The following GPR176 variants were observed in gnomAD, a reference collection of about 807,000 sequenced individuals.
GPR176 encodes the protein G protein-coupled receptor 176.
GPR176 carries 26 observed loss-of-function variants against 35.4 expected under a neutral mutation model. The ratio of observed to expected loss-of-function variants is 0.74; its 90% CI spans 0.54 to 1.02. The LOEUF (loss-of-function observed/expected upper bound fraction) is 1.02, where lower values mean the gene tolerates loss of function less well. GPR176 is among the 50% of genes least tolerant of loss of function. The probability of loss-of-function intolerance (pLI) is 0.00; values close to 1 mark genes in which losing one functional copy is unlikely to be tolerated. For synonymous variants in GPR176, 278 were observed against 271.3 expected (o/e 1.02, Z -0.24); for missense variants, 597 against 665.3 (o/e 0.90, Z 1.13).
chr15:39,801,873 G>T lies in GPR176; in HGVS notation c.807C>A (p.Leu269=), dbSNP rs143810678. 1.2e-6 allele frequency: 2 copies of T among 1,613,984 alleles called. No homozygotes were observed. The highest frequency in any genetic ancestry group is 1.7e-6 in the Non-Finnish European group (2 of 1,179,986). ...ACAAGATGAAGACCATCACCATGGA[G>T]AGCAGGGTGGCGTGCAGCTCGGCCT... is the stretch of plus-strand genomic sequence containing the variant. ...QREAELHATL[L]SMVMVFILCS... The change falls in exon 3 of 3, where the codon CTC becomes CTA. Residue 269 remains leucine, a synonymous_variant. Transcript: ENST00000561100.
At chr15:39,842,137 C>A (rs1377559539) in intron 1 of GPR176, among the ~76,000 whole-genome samples, 1 of 152,080 alleles carries the variant, frequency 6.6e-6, no homozygotes, top group East Asian at 1.9e-4. Flanking sequence ...CTACCTGAGA[C>A]TGGGTAATTT....
intron 1 of GPR176, among the ~76,000 whole-genome samples, chr15:39,810,009 G>T (rs1469007264): frequency 6.6e-6 from 1 of 152,088 alleles, no homozygotes; most frequent in East Asian, 1.9e-4. Context: ...GCCCAGCGTG[G>T]TTGCGGGCGC....
intron 1 of GPR176, among the ~76,000 whole-genome samples, chr15:39,906,864 T>C (rs1305368428): frequency 6.6e-6 from 1 of 152,230 alleles, no homozygotes; most frequent in Admixed American, 6.5e-5. Context: ...TCACTATGTA[T>C]TGAGCACAAA....
chr15:39,813,056 G>T (rs1443221418), intron 1 of GPR176, among the ~76,000 whole-genome samples: 4 of 151,998 alleles, frequency 2.6e-5, no homozygotes, highest in African/African-American at 9.7e-5. Flanking sequence ...TTTTTAAACT[G>T]ATCTGACAAT....
At chr15:39,915,740 G>A (rs371460629) in intron 1 of GPR176, among the ~76,000 whole-genome samples, 48 of 152,150 alleles carry the variant, frequency 3.2e-4, no homozygotes, top group South Asian at 1.2e-3. Flanking sequence ...TTAGCTGGGC[G>A]TGGTGGCAGG....
chr15:39,821,653 G>A (rs542062441), intron 1 of GPR176, among the ~76,000 whole-genome samples: 16 of 152,226 alleles, frequency 1.1e-4, no homozygotes, highest in South Asian at 8.3e-4. Context: ...TGTAATAGGG[G>A]TAAGAAGGTA....
intron 1 of GPR176, among the ~76,000 whole-genome samples, chr15:39,818,674 C>T (rs772703815): frequency 2.8e-4 from 42 of 152,176 alleles, no homozygotes; most frequent in Non-Finnish European, 6.2e-4. Flanking sequence ...ACGATCAAAA[C>T]AAAACTATTT....
chr15:39,803,886 A>G (rs1899039452), intron 2 of GPR176, among the ~76,000 whole-genome samples: 1 of 152,224 alleles, frequency 6.6e-6, no homozygotes, highest in Non-Finnish European at 1.5e-5. Flanking sequence ...AATAGCGACC[A>G]TGGACAATCA....
intron 2 of GPR176, among the ~76,000 whole-genome samples, chr15:39,805,311 A>G (rs1899121394): frequency 6.6e-6 from 1 of 152,196 alleles, no homozygotes; most frequent in African/African-American, 2.4e-5. Flanking sequence ...GCAATGGAAG[A>G]GACATGCAAC....
At chr15:39,838,897 C>A (rs1394346552) in intron 1 of GPR176, among the ~76,000 whole-genome samples, 1 of 152,106 alleles carries the variant, frequency 6.6e-6, no homozygotes, top group African/African-American at 2.4e-5. Flanking sequence ...CAAATTGTCC[C>A]TGTTTGCAGA....
At chr15:39,891,672 C>G (rs938665167) in intron 1 of GPR176, among the ~76,000 whole-genome samples, 9 of 152,058 alleles carry the variant, frequency 5.9e-5, no homozygotes, top group African/African-American at 1.9e-4. Flanking sequence ...CAGACGGGCA[C>G]CAGAATGAAA....
At chr15:39,830,269 G>C (rs1900979487) in intron 1 of GPR176, among the ~76,000 whole-genome samples, 1 of 152,136 alleles carries the variant, frequency 6.6e-6, no homozygotes, top group Non-Finnish European at 1.5e-5. Flanking sequence ...TAGACTGCAA[G>C]GCTCTGAGCT....
At chr15:39,807,343 A>T in intron 1 of GPR176, 85 bp from the exon 2 acceptor site, 1 of 930,480 alleles carries the variant, frequency 1.1e-6, no homozygotes, top group African/African-American at 1.7e-5. Context: ...TAAAAAATGT[A>T]AAAAACACAT....
chr15:39,814,526 G>T (rs555454588), intron 1 of GPR176, among the ~76,000 whole-genome samples: 74 of 152,218 alleles, frequency 4.9e-4, no homozygotes, highest in African/African-American at 1.8e-3. Flanking sequence ...GTTTCTTTCA[G>T]ATTATTCTGT....
chr15:39,813,362 C>T (rs1899694371), intron 1 of GPR176: 1 of 152,126 alleles, frequency 6.6e-6, no homozygotes. Context: ...AATGAATTCC[C>T]TCTTTTTGGT....
At chr15:39,829,550 C>T (rs530756516) in intron 1 of GPR176, among the ~76,000 whole-genome samples, 1 of 151,822 alleles carries the variant, frequency 6.6e-6, no homozygotes, top group Non-Finnish European at 1.5e-5. Flanking sequence ...AACAGCTAAA[C>T]CATATCTATA....
At chr15:39,917,511 T>C (rs1350944356) in intron 1 of GPR176, among the ~76,000 whole-genome samples, 2 of 151,362 alleles carry the variant, frequency 1.3e-5, no homozygotes, top group Admixed American at 6.6e-5. Context: ...AATTTTTGTA[T>C]TTTTAGTACA....
chr15:39,869,844 T>C (rs903861737), intron 1 of GPR176, among the ~76,000 whole-genome samples: 17 of 152,158 alleles, frequency 1.1e-4, no homozygotes, highest in South Asian at 2.1e-4. Flanking sequence ...GTAGACATCA[T>C]AGATGTGGGG....
chr15:39,814,063 G>T (rs924807615), intron 1 of GPR176, among the ~76,000 whole-genome samples: 4 of 152,246 alleles, frequency 2.6e-5, no homozygotes, highest in African/African-American at 9.6e-5. Flanking sequence ...GAGAAAGTTG[G>T]TTTCCCCAAG....
Sources: gnomAD v4.1 joint callset for allele counts (sites outside exome capture counted in the v4.1 genomes callset) on GRCh38, gnomAD v4.1.1 for gene constraint, MANE v1.5 for transcripts, NCBI Gene and HGNC (gene_info 2026-07-23, HGNC 2026-07-21) for gene names.